TMEM177: variants seen among roughly 807,000 people sequenced by gnomAD.
TMEM177 encodes transmembrane protein 177.
In TMEM177, 4 loss-of-function variants were observed where a neutral mutation model predicts 14.2. That is an observed-to-expected ratio of 0.28 (90% CI 0.14 to 0.64). The LOEUF (loss-of-function observed/expected upper bound fraction) is 0.64. TMEM177 is among the 30% of genes least tolerant of loss of function. The probability of loss-of-function intolerance (pLI) is 0.82; values close to 1 mark genes in which losing one functional copy is unlikely to be tolerated. For synonymous variants in TMEM177, 179 were observed against 174.5 expected (o/e 1.03, Z -0.20); for missense variants, 344 against 405.2 (o/e 0.85, Z 1.30).
chr2:119,692,328 C>T, the TMEM177 span, among the ~76,000 whole-genome samples: 8 of 152,176 alleles, frequency 5.3e-5, no homozygotes, highest in African/African-American at 7.2e-5. Flanking sequence ...CTGGGGAAGG[C>T]GGAACTGACA....
At chr2:119,700,613 T>C in the TMEM177 span, among the ~76,000 whole-genome samples, 1 of 152,198 alleles carries the variant, frequency 6.6e-6, no homozygotes, top group Non-Finnish European at 1.5e-5. Flanking sequence ...GCACCCACCA[T>C]CGGGCCATGT....
the TMEM177 span, among the ~76,000 whole-genome samples, chr2:119,719,464 T>A: frequency 6.6e-6 from 1 of 152,158 alleles, no homozygotes; most frequent in African/African-American, 2.4e-5. Flanking sequence ...CAAGCGTGGG[T>A]GCTGCCCCGG....
At chr2:119,709,413 T>C in the TMEM177 span, among the ~76,000 whole-genome samples, 1 of 152,226 alleles carries the variant, frequency 6.6e-6, no homozygotes, top group Non-Finnish European at 1.5e-5. Context: ...TGGTGGCTCA[T>C]GCCTGTAATC....
chr2:119,697,812 G>A, the TMEM177 span, among the ~76,000 whole-genome samples: 3 of 152,046 alleles, frequency 2.0e-5, no homozygotes, highest in South Asian at 2.1e-4. Context: ...GAAATGAACC[G>A]ATACTAGACA....
the TMEM177 span, among the ~76,000 whole-genome samples, chr2:119,700,318 G>T: frequency 6.6e-6 from 1 of 152,264 alleles, no homozygotes; most frequent in African/African-American, 2.4e-5. Context: ...GACTTTCAAG[G>T]TGAGGCCAGT....
chr2:119,694,183 A>G, the TMEM177 span, among the ~76,000 whole-genome samples: 1 of 150,312 alleles, frequency 6.7e-6, no homozygotes, highest in Non-Finnish European at 1.5e-5. Context: ...ACACAAACAC[A>G]CCACACACAA....
At chr2:119,690,276 G>C (rs534607430), downstream of TMEM177, among the ~76,000 whole-genome samples, 26 of 152,208 alleles carry the variant, frequency 1.7e-4, no homozygotes, top group Non-Finnish European at 3.2e-4. Context: ...TGCTCCAGTC[G>C]TGTAGGACGT....
chr2:119,720,278 C>CT, the TMEM177 span, among the ~76,000 whole-genome samples: 230 of 146,008 alleles, frequency 1.6e-3, no homozygotes, highest in African/African-American at 2.4e-3. Context: ...TTATTCCCAA[C>CT]TTTTTTTTTT....
At chr2:119,704,888 G>C in the TMEM177 span, among the ~76,000 whole-genome samples, 1 of 152,164 alleles carries the variant, frequency 6.6e-6, no homozygotes, top group Admixed American at 6.5e-5. Flanking sequence ...CATATGGAAA[G>C]CATCTGGTTC....
chr2:119,704,105 A>G, the TMEM177 span, among the ~76,000 whole-genome samples: 2 of 152,272 alleles, frequency 1.3e-5, no homozygotes, highest in Non-Finnish European at 2.9e-5. Flanking sequence ...ATGCAGTGGA[A>G]TGCAGCCGAA....
the TMEM177 span, among the ~76,000 whole-genome samples, chr2:119,693,094 C>T: frequency 6.6e-6 from 1 of 151,984 alleles, no homozygotes; most frequent in Non-Finnish European, 1.5e-5. Context: ...GCATGGGGAC[C>T]TGTAGCATCC....
the TMEM177 span, among the ~76,000 whole-genome samples, chr2:119,710,065 T>C: frequency 1.3e-5 from 2 of 152,148 alleles, no homozygotes; most frequent in Non-Finnish European, 2.9e-5. Context: ...TGGAACTAGA[T>C]AGAAGTGGTG....
chr2:119,712,907 G>A, the TMEM177 span, among the ~76,000 whole-genome samples: 1 of 152,168 alleles, frequency 6.6e-6, no homozygotes, highest in Admixed American at 6.5e-5. Context: ...GCAAGAGTTA[G>A]CTTGTTGAGC....
the TMEM177 span, among the ~76,000 whole-genome samples, chr2:119,706,545 C>G: frequency 3.3e-5 from 5 of 152,254 alleles, no homozygotes; most frequent in Admixed American, 2.6e-4. Context: ...GACTTTGCTT[C>G]TTTTATGTTA....
downstream of TMEM177, among the ~76,000 whole-genome samples, chr2:119,690,584 C>T (rs1362338958): frequency 1.3e-5 from 2 of 152,176 alleles, no homozygotes; most frequent in African/African-American, 4.8e-5. Context: ...GCCTGAGGAG[C>T]AAACTGAGGA....
At chr2:119,692,709 AC>A in the TMEM177 span, among the ~76,000 whole-genome samples, 1 of 152,178 alleles carries the variant, frequency 6.6e-6, no homozygotes, top group Non-Finnish European at 1.5e-5. Flanking sequence ...GTGGTGGCTC[AC>A]GCCTGTAATC....
At position 119,680,899 on chromosome 2, in the gene TMEM177, A is replaced by C. The variant is rs1440313205; in HGVS notation, c.46A>C (p.Arg16=). The change falls in exon 2 of 2, where the codon AGG becomes CGG. Residue 16 remains arginine (R), a synonymous_variant. Coordinates refer to ENST00000272521, the MANE Select transcript of TMEM177 (RefSeq NM_030577.3). ...WRTAAFVQRH[R]TGLLVGSCAG... ...GACCGCAGCATTTGTGCAGAGACAC[A>C]GGACAGGCCTCTTGGTGGGTTCCTG... 4 of 1,614,182 alleles carry C rather than the reference A, an allele frequency of 2.5e-6. No individual in the cohort carries two copies. The highest frequency in any genetic ancestry group is 3.4e-6 in the Non-Finnish European group (4 of 1,180,010).
chr2:119,685,664 G>C (rs1463794458), downstream of TMEM177: 1 of 717,606 alleles, frequency 1.4e-6, no homozygotes, highest in African/African-American at 1.7e-5. Flanking sequence ...ACAGGAAAGG[G>C]AACATCACAG....
At chr2:119,695,403 G>C in the TMEM177 span, among the ~76,000 whole-genome samples, 1 of 152,230 alleles carries the variant, frequency 6.6e-6, no homozygotes, top group Non-Finnish European at 1.5e-5. Flanking sequence ...ACTGCATTTT[G>C]TCTGCTTCCT....
Sources: gnomAD v4.1 joint callset for allele counts (sites outside exome capture counted in the v4.1 genomes callset) on GRCh38, gnomAD v4.1.1 for gene constraint, MANE v1.5 for transcripts, NCBI Gene and HGNC (gene_info 2026-07-23, HGNC 2026-07-21) for gene names.